SPOCK3: variants seen among roughly 807,000 people sequenced by gnomAD.
SPOCK3 encodes the protein SPARC (osteonectin), cwcv and kazal like domains proteoglycan 3, also known as testican-3.
A neutral mutation model predicts 56.6 loss-of-function variants in SPOCK3; 30 were observed. The observed-to-expected ratio is 0.53, with a 90% CI of 0.40 to 0.72. SPOCK3 has a LOEUF of 0.72. Ranked by LOEUF, SPOCK3 falls within the 30% of genes least tolerant of loss-of-function variation. The pLI is 0.00. For missense variants in SPOCK3, 527 were observed against 530.0 expected, an observed-to-expected ratio of 0.99 and a Z score of 0.06; for synonymous variants, 196 against 183.3, an observed-to-expected ratio of 1.07 and a Z score of -0.56.
At chr4:166,814,113 C>T (rs1744137083) in intron 6 of SPOCK3, among the ~76,000 whole-genome samples, 1 of 152,104 alleles carries the variant, frequency 6.6e-6, no homozygotes, top group African/African-American at 2.4e-5. Context: ...AAAATCTTCA[C>T]TAGAGAGTCC....
chr4:166,963,655 A>C (rs994902812), intron 4 of SPOCK3, among the ~76,000 whole-genome samples: 1 of 151,962 alleles, frequency 6.6e-6, no homozygotes, highest in Non-Finnish European at 1.5e-5. Context: ...TAAAAAAACA[A>C]ATTAAAATTT....
At chr4:166,877,957 A>G (rs1002685464) in intron 6 of SPOCK3, among the ~76,000 whole-genome samples, 1 of 152,142 alleles carries the variant, frequency 6.6e-6, no homozygotes. Context: ...TCACCTTGGA[A>G]ATATGAAAAA....
chr4:167,009,765 CA>C (rs1368765170), intron 3 of SPOCK3, among the ~76,000 whole-genome samples: 1 of 151,844 alleles, frequency 6.6e-6, no homozygotes, highest in Non-Finnish European at 1.5e-5. Context: ...ACTAGCATAT[CA>C]AGAAATCAAA....
chr4:166,992,356 C>T (rs1747883636), intron 4 of SPOCK3, among the ~76,000 whole-genome samples: 1 of 152,122 alleles, frequency 6.6e-6, no homozygotes, highest in African/African-American at 2.4e-5. Context: ...TCACTGACAT[C>T]ACCTATGTAT....
At chr4:166,976,878 A>G (rs34796926) in intron 4 of SPOCK3, among the ~76,000 whole-genome samples, 3,590 of 151,792 alleles carry the variant, frequency 0.024, 75 homozygotes, top group Middle Eastern at 0.062. Context: ...CAGATATTAT[A>G]TATATATAAT....
chr4:167,222,303 T>C (rs1434213958), intron 2 of SPOCK3, among the ~76,000 whole-genome samples: 2 of 151,808 alleles, frequency 1.3e-5, no homozygotes, highest in East Asian at 3.9e-4. Flanking sequence ...AAGGGCAAAA[T>C]GGGATGTGGT....
chr4:167,167,106 G>A (rs888906999), intron 2 of SPOCK3, among the ~76,000 whole-genome samples: 3 of 151,820 alleles, frequency 2.0e-5, no homozygotes, highest in Non-Finnish European at 2.9e-5. Context: ...TGTCTTTCCC[G>A]ATGCAAATTT....
chr4:166,747,925 T>C (rs191806374), intron 8 of SPOCK3, among the ~76,000 whole-genome samples: 3 of 151,946 alleles, frequency 2.0e-5, no homozygotes, highest in South Asian at 2.1e-4. Flanking sequence ...ATCCAACTTA[T>C]AGGAAATGTG....
intron 2 of SPOCK3, among the ~76,000 whole-genome samples, chr4:167,176,069 G>C (rs1730956226): frequency 6.6e-6 from 1 of 151,956 alleles, no homozygotes; most frequent in African/African-American, 2.4e-5. Flanking sequence ...TTAGTTTCTA[G>C]AGGTTGTCTG....
intron 4 of SPOCK3, among the ~76,000 whole-genome samples, chr4:166,947,588 A>G (rs181554715): frequency 2.0e-5 from 3 of 152,260 alleles, no homozygotes; most frequent in African/African-American, 7.2e-5. Context: ...ATCATTGGCA[A>G]TTTAAAAAAA....
At chr4:167,148,609 C>T (rs973625785) in intron 2 of SPOCK3, among the ~76,000 whole-genome samples, 11 of 152,102 alleles carry the variant, frequency 7.2e-5, no homozygotes, top group African/African-American at 2.4e-4. Context: ...TAACTGATAT[C>T]TCTCTAAGCT....
In SPOCK3 at chr4:167,111,604, C is replaced by T. The variant is rs12331021; in HGVS notation, c.190-49067G>A. Among the ~76,000 whole-genome samples the T allele has an allele frequency of 4.6e-5, 7 of 151,872 alleles. No homozygotes were observed. The East Asian group carries it at 1.2e-3, about 25-fold the overall frequency. ...GTTAACATTAATTCATCCTAATGTG[C>T]GAATATGCAATGTCATTATCATAGT... On this transcript the variant is annotated intron_variant, in intron 2 of 10. Transcript: ENST00000357545.
chr4:166,738,641 C>T (rs1486885420), intron 9 of SPOCK3, among the ~76,000 whole-genome samples: 1 of 118,678 alleles, frequency 8.4e-6, no homozygotes, highest in African/African-American at 3.2e-5. Context: ...CACAACAGTC[C>T]CCAGAGTGTG....
chr4:166,929,166 C>T (rs1024970203), intron 4 of SPOCK3, among the ~76,000 whole-genome samples: 15 of 95,528 alleles, frequency 1.6e-4, no homozygotes, highest in African/African-American at 8.2e-4. Flanking sequence ...ACCAAAACAG[C>T]TCTAAAAAAG....
intron 2 of SPOCK3, among the ~76,000 whole-genome samples, chr4:167,155,936 C>T (rs1056663538): frequency 4.6e-5 from 7 of 151,502 alleles, no homozygotes; most frequent in Admixed American, 4.0e-4. Flanking sequence ...TGTATACCTT[C>T]GTAACAAAAC....
At chr4:167,151,231 T>C (rs891542205) in intron 2 of SPOCK3, among the ~76,000 whole-genome samples, 1 of 152,022 alleles carries the variant, frequency 6.6e-6, no homozygotes, top group Non-Finnish European at 1.5e-5. Context: ...CGTAGTCGAG[T>C]TAAAATTCAT....
intron 4 of SPOCK3, among the ~76,000 whole-genome samples, chr4:166,966,487 T>G (rs1744750713): frequency 6.6e-6 from 1 of 152,186 alleles, no homozygotes; most frequent in Admixed American, 6.5e-5. Context: ...TGCGTCCTTC[T>G]GATTTCTTTA....
intron 7 of SPOCK3, among the ~76,000 whole-genome samples, chr4:166,778,328 G>A (rs1739791911): frequency 6.6e-6 from 1 of 152,098 alleles, no homozygotes; most frequent in African/African-American, 2.4e-5. Flanking sequence ...TACTTGCTTA[G>A]TCCTCAAGTA....
chr4:167,223,096 T>C (rs1182464867), intron 2 of SPOCK3, among the ~76,000 whole-genome samples: 1 of 111,010 alleles, frequency 9.0e-6, no homozygotes, highest in Non-Finnish European at 1.7e-5. Flanking sequence ...ATATATATTT[T>C]ATATATGAAT....
Sources: allele counts gnomAD v4.1 joint callset (sites outside exome capture counted in the v4.1 genomes callset), GRCh38; gene constraint gnomAD v4.1.1; transcripts MANE v1.5; gene names NCBI Gene and HGNC (gene_info 2026-07-23, HGNC 2026-07-21).